TNNI3K: variants seen among roughly 807,000 people sequenced by gnomAD.
TNNI3K encodes the protein serine/threonine-protein kinase TNNI3K.
In TNNI3K, 140 loss-of-function variants were observed where a neutral mutation model predicts 114.5. The ratio of observed to expected loss-of-function variants is 1.22; its 90% CI spans 1.07 to 1.41. The LOEUF is 1.41. TNNI3K is among the 40% of genes most tolerant of loss of function. TNNI3K has a pLI of 0.00. For synonymous variants in TNNI3K, 347 were observed against 347.5 expected, an observed-to-expected ratio of 1.00 and a Z score of 0.02; for missense variants, 1,125 against 1,007.6, an observed-to-expected ratio of 1.12 and a Z score of -1.58.
intron 20 of TNNI3K, among the ~76,000 whole-genome samples, chr1:74,458,817 G>A (rs1261887660): frequency 2.0e-5 from 3 of 152,078 alleles, no homozygotes; most frequent in African/African-American, 7.2e-5. Context: ...AGGTTCATTG[G>A]TATATTGTGA....
intron 23 of TNNI3K, among the ~76,000 whole-genome samples, chr1:74,538,507 G>A (rs1646687666): frequency 6.6e-6 from 1 of 152,126 alleles, no homozygotes; most frequent in Non-Finnish European, 1.5e-5. Context: ...TCATTGTGTG[G>A]AAAGAATATG....
intron 9 of TNNI3K, among the ~76,000 whole-genome samples, chr1:74,344,963 T>G (rs1316326991): frequency 3.3e-5 from 5 of 152,142 alleles, no homozygotes; most frequent in African/African-American, 1.2e-4. Context: ...CTGTTGTGGT[T>G]TTCATATGTA....
At chr1:74,371,269 A>G (rs1052074230) in intron 17 of TNNI3K, 1 of 151,886 alleles carries the variant, frequency 6.6e-6, no homozygotes, top group Non-Finnish European at 1.5e-5. Context: ...GTCAACAACT[A>G]TGTTTGAACA....
At chr1:74,492,906 T>C (rs537469074) in intron 23 of TNNI3K, among the ~76,000 whole-genome samples, 158 of 152,270 alleles carry the variant, frequency 1.0e-3, no homozygotes, top group African/African-American at 3.5e-3. Context: ...ATGGTTGAGG[T>C]TCTGGTGCGG....
At chr1:74,293,417 AT>A (rs1263912991) in intron 5 of TNNI3K, among the ~76,000 whole-genome samples, 1 of 151,534 alleles carries the variant, frequency 6.6e-6, no homozygotes, top group African/African-American at 2.4e-5. Flanking sequence ...CTTCTTTAAG[AT>A]TTTCTTTGTT....
intron 5 of TNNI3K, among the ~76,000 whole-genome samples, chr1:74,299,432 C>T (rs1314883375): frequency 1.3e-5 from 2 of 151,728 alleles, no homozygotes; most frequent in African/African-American, 4.8e-5. Context: ...TTTTTTGATA[C>T]AGTAAATTTC....
chr1:74,459,806 C>G (rs1557579601), intron 20 of TNNI3K, among the ~76,000 whole-genome samples: 1 of 152,092 alleles, frequency 6.6e-6, no homozygotes, highest in Admixed American at 6.5e-5. Context: ...AAAGTATCGA[C>G]AAACAAGGGA....
chr1:74,241,020 G>A (rs939817159), intron 2 of TNNI3K, among the ~76,000 whole-genome samples: 1 of 152,022 alleles, frequency 6.6e-6, no homozygotes, highest in Non-Finnish European at 1.5e-5. Flanking sequence ...AGGACATGCG[G>A]TGTTTGGTTT....
chr1:74,303,246 T>G (rs957594056), intron 5 of TNNI3K, among the ~76,000 whole-genome samples: 1 of 152,084 alleles, frequency 6.6e-6, no homozygotes, highest in Non-Finnish European at 1.5e-5. Context: ...CAAGCTGGAG[T>G]GAAGTGGCAT....
At chr1:74,286,559 C>T (rs1657346019) in intron 5 of TNNI3K, among the ~76,000 whole-genome samples, 1 of 152,118 alleles carries the variant, frequency 6.6e-6, no homozygotes, top group Non-Finnish European at 1.5e-5. Flanking sequence ...AGGCCCTCCC[C>T]AGTAGACCCA....
intron 6 of TNNI3K, 151 bp from the exon 7 acceptor site, chr1:74,335,860 A>C: frequency 2.7e-6 from 2 of 737,446 alleles, no homozygotes; most frequent in Non-Finnish European, 4.1e-6. Flanking sequence ...TGTATTAATC[A>C]ACCCTAGAAT....
intron 9 of TNNI3K, among the ~76,000 whole-genome samples, chr1:74,351,852 C>T (rs377189795): frequency 6.6e-6 from 1 of 152,114 alleles, no homozygotes; most frequent in East Asian, 1.9e-4. Flanking sequence ...ATTGATTATT[C>T]TAGTTATCCA....
intron 5 of TNNI3K, among the ~76,000 whole-genome samples, chr1:74,329,532 A>G (rs556732235): frequency 9.2e-5 from 14 of 152,222 alleles, no homozygotes; most frequent in African/African-American, 3.4e-4. Flanking sequence ...TATGACAACT[A>G]TTAGCATCTC....
chr1:74,349,758 T>A (rs1239954286), intron 9 of TNNI3K, among the ~76,000 whole-genome samples: 1 of 152,228 alleles, frequency 6.6e-6, no homozygotes, highest in African/African-American at 2.4e-5. Flanking sequence ...TTTATTTGCA[T>A]AGAGGTGTTT....
chr1:74,263,048 T>G (rs1311985708), intron 4 of TNNI3K, among the ~76,000 whole-genome samples: 1 of 151,988 alleles, frequency 6.6e-6, no homozygotes, highest in Non-Finnish European at 1.5e-5. Flanking sequence ...CAATGATAAA[T>G]GGGAAGTAAA....
intron 9 of TNNI3K, among the ~76,000 whole-genome samples, chr1:74,349,357 G>A (rs1014989464): frequency 6.6e-6 from 1 of 152,126 alleles, no homozygotes; most frequent in Non-Finnish European, 1.5e-5. Context: ...TTAATGTGTT[G>A]CTGGATTCGG....
intron 5 of TNNI3K, among the ~76,000 whole-genome samples, chr1:74,312,121 CA>C (rs1379605046): frequency 6.6e-6 from 1 of 152,126 alleles, no homozygotes; most frequent in African/African-American, 2.4e-5. Context: ...TATGTTTATT[CA>C]TTCATTTTTT....
At position 74,343,201 on chromosome 1, in the gene TNNI3K, A is replaced by G. The variant is rs754100350; in HGVS notation, c.932+22A>G. 11 of 1,590,882 alleles carry G rather than the reference A, an allele frequency of 6.9e-6. No individual in the cohort carries two copies. The African/African-American group carries it at 9.5e-5, about 14-fold the overall frequency. On this transcript the variant is annotated intron_variant, in intron 9 of 24. Coordinates refer to ENST00000326637, the MANE Select transcript of TNNI3K (RefSeq NM_015978.3). ...ATAGGTAAAAGAATATTTAAGTGCA[A>G]TAGCCACTAAACTTAGCTGACACTC...
intron 21 of TNNI3K, among the ~76,000 whole-genome samples, chr1:74,479,935 T>G (rs758749744): frequency 1.3e-5 from 2 of 152,222 alleles, no homozygotes; most frequent in African/African-American, 4.8e-5. Context: ...GCCCTTGAAT[T>G]CTGGTCCAGG....
Sources: allele counts gnomAD v4.1 joint callset (sites outside exome capture counted in the v4.1 genomes callset), GRCh38; gene constraint gnomAD v4.1.1; transcripts MANE v1.5; gene names NCBI Gene and HGNC (gene_info 2026-07-23, HGNC 2026-07-21).